The following BMPER variants were observed in gnomAD, a reference collection of about 807,000 sequenced individuals.
BMPER encodes BMP-binding endothelial regulator protein.
A neutral mutation model predicts 87.3 loss-of-function variants in BMPER; 45 were observed. That is an observed-to-expected ratio of 0.52 (90% CI 0.41 to 0.66). The LOEUF (loss-of-function observed/expected upper bound fraction) is 0.66. Ranked by LOEUF, BMPER falls within the 30% of genes least tolerant of loss-of-function variation. The pLI is 0.00. For missense variants in BMPER, 784 were observed against 867.5 expected, an observed-to-expected ratio of 0.90 and a Z score of 1.21; for synonymous variants, 326 against 316.2, an observed-to-expected ratio of 1.03 and a Z score of -0.33.
chr7:34,125,716 G>A (rs978132369), intron 13 of BMPER, among the ~76,000 whole-genome samples: 2 of 152,158 alleles, frequency 1.3e-5, no homozygotes, highest in African/African-American at 4.8e-5. Context: ...CAAATGGCCT[G>A]ATTATGCTCC....
chr7:33,910,549 G>A (rs775734205), intron 2 of BMPER, among the ~76,000 whole-genome samples: 6 of 152,220 alleles, frequency 3.9e-5, no homozygotes, highest in Non-Finnish European at 7.3e-5. Flanking sequence ...AACTTTGGAG[G>A]CTGGGACTCA....
intron 13 of BMPER, among the ~76,000 whole-genome samples, chr7:34,091,674 A>C (rs937220070): frequency 8.5e-5 from 13 of 152,166 alleles, no homozygotes; most frequent in African/African-American, 3.1e-4. Context: ...CATTGATTTA[A>C]CCCACTTATG....
intron 3 of BMPER, among the ~76,000 whole-genome samples, chr7:33,939,438 C>G (rs1408917076): frequency 6.6e-6 from 1 of 152,126 alleles, no homozygotes; most frequent in Admixed American, 6.5e-5. Context: ...ATGGAAATCC[C>G]AACGCATTTG....
At chr7:34,137,654 T>C (rs530125241) in intron 13 of BMPER, among the ~76,000 whole-genome samples, 8 of 152,166 alleles carry the variant, frequency 5.3e-5, no homozygotes, top group Non-Finnish European at 1.2e-4. Context: ...ACTGAGGAAT[T>C]TGAATTAAGT....
chr7:34,090,055 AT>A (rs1314327640), intron 13 of BMPER, among the ~76,000 whole-genome samples: 3 of 152,220 alleles, frequency 2.0e-5, no homozygotes, highest in African/African-American at 7.2e-5. Context: ...GCTTGCTTTA[AT>A]TAACTAACTG....
At chr7:33,933,995 G>A (rs1480846561) in intron 2 of BMPER, among the ~76,000 whole-genome samples, 2 of 152,212 alleles carry the variant, frequency 1.3e-5, no homozygotes, top group African/African-American at 2.4e-5. Context: ...AATGAGTTCA[G>A]TAAGTGTGAG....
chr7:34,127,137 A>G (rs1200147159), intron 13 of BMPER, among the ~76,000 whole-genome samples: 5 of 152,186 alleles, frequency 3.3e-5, no homozygotes, highest in Non-Finnish European at 4.4e-5. Flanking sequence ...TGGCTTGTGT[A>G]TGAATGTTGG....
chr7:34,104,514 T>G (rs962987939), intron 13 of BMPER, among the ~76,000 whole-genome samples: 11 of 151,704 alleles, frequency 7.3e-5, no homozygotes, highest in Admixed American at 2.0e-4. Context: ...TGTTCATGGG[T>G]TTTTTTTGGC....
intron 11 of BMPER, among the ~76,000 whole-genome samples, chr7:34,065,765 T>C (rs961209604): frequency 6.6e-6 from 1 of 152,240 alleles, no homozygotes; most frequent in Admixed American, 6.5e-5. Flanking sequence ...ACTCCACCTC[T>C]AAAAGCATGC....
intron 3 of BMPER, among the ~76,000 whole-genome samples, chr7:33,954,163 G>T (rs1418935777): frequency 3.9e-5 from 6 of 152,182 alleles, no homozygotes; most frequent in Non-Finnish European, 8.8e-5. Context: ...CTGGTTAAAT[G>T]ATGTGTTGTA....
intron 13 of BMPER, among the ~76,000 whole-genome samples, 179 bp downstream of exon 13, chr7:34,086,271 T>C (rs759224766): frequency 6.6e-5 from 10 of 152,156 alleles, no homozygotes; most frequent in Admixed American, 3.3e-4. Context: ...AGGTCCCAAA[T>C]TGGGAAATTC....
At chr7:34,008,936 G>A (rs1378560172) in intron 6 of BMPER, among the ~76,000 whole-genome samples, 2 of 151,760 alleles carry the variant, frequency 1.3e-5, no homozygotes, top group African/African-American at 2.4e-5. Flanking sequence ...TGAACTCCTG[G>A]GCACAGGAGA....
At chr7:33,905,419 G>GCCCCCCCCC, upstream of BMPER, 8 of 110,386 alleles carry the variant, frequency 7.2e-5, no homozygotes, top group South Asian at 1.8e-4. Context: ...CTCCCCGGGC[G>GCCCCCCCCC]CCCCCACACC....
intron 13 of BMPER, among the ~76,000 whole-genome samples, chr7:34,091,871 A>G (rs1562738199): frequency 6.6e-6 from 1 of 152,224 alleles, no homozygotes. Context: ...TAGTTATTCC[A>G]ATTGTGCTTA....
chr7:33,981,168 G>A (rs1016833285), intron 6 of BMPER, among the ~76,000 whole-genome samples: 20 of 152,094 alleles, frequency 1.3e-4, no homozygotes, highest in South Asian at 6.2e-4. Context: ...CACCAGCAAC[G>A]TGGACCTCAC....
Position 34,153,293 on chromosome 7 carries a change from G to T in BMPER, c.*20G>T. ...CGGTGACCTTTGTTTCGATCCTTAA[G>T]ACTCTGAAATCTGGTGACTTTGACA... On this transcript the variant is annotated 3_prime_UTR_variant, in exon 15 of 15. Transcript: ENST00000649409. 1 of 1,613,422 alleles carries T rather than the reference G, an allele frequency of 6.2e-7. No homozygotes were observed. The highest frequency in any genetic ancestry group is 1.1e-5 in the South Asian group (1 of 91,030).
At chr7:34,077,267 A>G (rs1175219806) in intron 11 of BMPER, among the ~76,000 whole-genome samples, 1 of 152,182 alleles carries the variant, frequency 6.6e-6, no homozygotes, top group Non-Finnish European at 1.5e-5. Context: ...AAGAGGTTAG[A>G]TAGCTGGGAA....
In BMPER at chr7:34,088,768, T is replaced by C. The variant is rs534246804; in HGVS notation, c.1745+2676T>C. ...GCTGTCCTGTATCTCTTACTTTCTA[T>C]GGAGAAGCTTGCCCCTGGATTCACC... On this transcript the variant is annotated intron_variant, in intron 13 of 14. Transcript: ENST00000649409. 2.0e-5 allele frequency among the ~76,000 whole-genome samples: 3 copies of C among 152,320 alleles called. No individual in the cohort carries two copies. The South Asian group carries it at 6.2e-4, about 32-fold the overall frequency.
intron 11 of BMPER, among the ~76,000 whole-genome samples, chr7:34,068,282 C>T (rs1562722456): frequency 6.6e-6 from 1 of 152,182 alleles, no homozygotes; most frequent in Non-Finnish European, 1.5e-5. Flanking sequence ...GGTAGCTGGC[C>T]CGAAAGCTTG....
Sources: allele counts gnomAD v4.1 joint callset (sites outside exome capture counted in the v4.1 genomes callset), GRCh38; gene constraint gnomAD v4.1.1; transcripts MANE v1.5; gene names NCBI Gene and HGNC (gene_info 2026-07-23, HGNC 2026-07-21).